The following CEP128 variants were observed in gnomAD, a reference collection of about 807,000 sequenced individuals.
CEP128 encodes centrosomal protein 128kDa.
In CEP128, 132 loss-of-function variants were observed where a neutral mutation model predicts 156.7. The observed-to-expected ratio is 0.84, with a 90% CI of 0.73 to 0.97. The LOEUF (loss-of-function observed/expected upper bound fraction) is 0.97, where lower values mean the gene tolerates loss of function less well. Among genes scored for constraint, CEP128 ranks in the 50% least tolerant of loss-of-function variants. The pLI, the probability that CEP128 is intolerant of heterozygous loss-of-function variation, is 0.00. For synonymous variants in CEP128, 469 were observed against 448.9 expected (o/e 1.04, Z -0.57); for missense variants, 1,252 against 1,281.9 (o/e 0.98, Z 0.36).
chr14:80,817,865 GAAGAAAAAAAAAAA>G (rs1254791281), intron 13 of CEP128, among the ~76,000 whole-genome samples: 2 of 142,456 alleles, frequency 1.4e-5, no homozygotes, highest in African/African-American at 5.2e-5. Flanking sequence ...TGGTGACAGA[GAAGAAAAAAAAAAA>G]AAGAAAGAAA....
At position 80,484,849 on chromosome 14, in the gene CEP128, T is replaced by C. The variant is rs145056476; in HGVS notation, c.*311-6442A>G. The stretch of plus-strand genomic sequence containing the variant: ...GCCTGAACATCTACTGGCATGAATA[T>C]TGCACGGGAAAATTTTTCTATATCT... On this transcript the variant is annotated intron_variant and NMD_transcript_variant, in intron 14 of 14. Transcript: ENST00000554502. Among the ~76,000 whole-genome samples, 45 of 151,858 alleles carry C rather than the reference T, an allele frequency of 3.0e-4. No homozygotes were observed. In the East Asian group the frequency reaches 8.5e-3, roughly 29 times the overall value.
At chr14:80,850,419 G>A (rs544026185) in intron 9 of CEP128, among the ~76,000 whole-genome samples, 4 of 151,994 alleles carry the variant, frequency 2.6e-5, no homozygotes, top group Admixed American at 6.6e-5. Flanking sequence ...GACGACTAGT[G>A]GTCAAAACTT....
At chr14:80,867,754 C>G (rs1887835935) in intron 8 of CEP128, among the ~76,000 whole-genome samples, 1 of 151,830 alleles carries the variant, frequency 6.6e-6, no homozygotes, top group Non-Finnish European at 1.5e-5. Context: ...TAATGGAAGT[C>G]CCAGAAGGAG....
chr14:80,670,018 G>A (rs1895775830), intron 19 of CEP128, among the ~76,000 whole-genome samples: 1 of 152,096 alleles, frequency 6.6e-6, no homozygotes, highest in Non-Finnish European at 1.5e-5. Context: ...GCCAAAAGCA[G>A]GAGCAAGAGA....
intron 9 of CEP128, among the ~76,000 whole-genome samples, chr14:80,841,699 ATT>A (rs1361350227): frequency 6.6e-6 from 1 of 152,018 alleles, no homozygotes; most frequent in Non-Finnish European, 1.5e-5. Flanking sequence ...GAGTTGGATC[ATT>A]TGCCTAACGT....
chr14:80,570,310 G>T (rs960847571), intron 20 of CEP128, among the ~76,000 whole-genome samples: 1 of 151,908 alleles, frequency 6.6e-6, no homozygotes, highest in African/African-American at 2.4e-5. Context: ...TAGAGATGAG[G>T]TTTTACCATG....
intron 2 of CEP128, among the ~76,000 whole-genome samples, chr14:80,954,264 C>G (rs1364671229): frequency 6.7e-6 from 1 of 150,230 alleles, no homozygotes; most frequent in Non-Finnish European, 1.5e-5. Context: ...AGCAAGACTC[C>G]GTTTCAAAAG....
At chr14:80,783,612 C>A (rs12880014) in intron 15 of CEP128, among the ~76,000 whole-genome samples, 51,020 of 152,062 alleles carry the variant, frequency 0.34, 9,759 homozygotes, top group Non-Finnish European at 0.43. Flanking sequence ...AAGATCAGCT[C>A]TTCTCCATAT....
chr14:80,576,366 A>G (rs1393554741), intron 20 of CEP128, among the ~76,000 whole-genome samples: 2 of 152,210 alleles, frequency 1.3e-5, no homozygotes, highest in African/African-American at 4.8e-5. Context: ...GTCAAAGACA[A>G]TACTTTAAGA....
chr14:80,728,406 T>C (rs920562768), intron 19 of CEP128, among the ~76,000 whole-genome samples: 2 of 152,158 alleles, frequency 1.3e-5, no homozygotes, highest in South Asian at 2.1e-4. Flanking sequence ...AACTACATAT[T>C]GGATACTATG....
At chr14:80,662,045 T>C (rs1895422614) in intron 19 of CEP128, among the ~76,000 whole-genome samples, 1 of 152,136 alleles carries the variant, frequency 6.6e-6, no homozygotes, top group Admixed American at 6.6e-5. Context: ...CTAGGAAGAC[T>C]ACATGATTTT....
At chr14:80,537,213 G>A (rs1889525145) in intron 21 of CEP128, among the ~76,000 whole-genome samples, 1 of 152,072 alleles carries the variant, frequency 6.6e-6, no homozygotes, top group African/African-American at 2.4e-5. Context: ...TACAGAATCT[G>A]CCATTTCAAA....
chr14:80,560,276 G>C (rs1317543564), intron 20 of CEP128, among the ~76,000 whole-genome samples: 4 of 151,966 alleles, frequency 2.6e-5, no homozygotes, highest in Admixed American at 6.6e-5. Flanking sequence ...AAATTAAAAA[G>C]TAGCCAGGTG....
At chr14:80,777,730 A>T in intron 16 of CEP128, 152 bp downstream of exon 16, 2 of 581,894 alleles carry the variant, frequency 3.4e-6, no homozygotes, top group Non-Finnish European at 5.9e-6. Context: ...AATAAAAATC[A>T]CAGCATTCTA....
At chr14:80,832,255 G>A (rs1300227990) in intron 12 of CEP128, among the ~76,000 whole-genome samples, 1 of 152,194 alleles carries the variant, frequency 6.6e-6, no homozygotes, top group Non-Finnish European at 1.5e-5. Flanking sequence ...TATTAGCAGT[G>A]TGAGAACAGA....
At chr14:80,592,193 T>A (rs966240223) in intron 19 of CEP128, among the ~76,000 whole-genome samples, 4 of 152,086 alleles carry the variant, frequency 2.6e-5, no homozygotes, top group Non-Finnish European at 5.9e-5. Flanking sequence ...TGAAAAACCC[T>A]TCAAAAAAAT....
intron 19 of CEP128, among the ~76,000 whole-genome samples, chr14:80,639,244 C>T (rs1457066223): frequency 2.0e-5 from 3 of 151,972 alleles, no homozygotes; most frequent in African/African-American, 7.3e-5. Flanking sequence ...TCAGATAATC[C>T]TCATTCTAGC....
upstream of CEP128, chr14:80,941,830 T>A (rs1438219701): frequency 6.6e-6 from 1 of 152,574 alleles, no homozygotes; most frequent in South Asian, 2.1e-4. Context: ...GATCAAGGAA[T>A]TACCAAGGGA....
At chr14:80,780,112 G>C (rs1015736392) in intron 15 of CEP128, among the ~76,000 whole-genome samples, 1 of 152,134 alleles carries the variant, frequency 6.6e-6, no homozygotes, top group Non-Finnish European at 1.5e-5. Flanking sequence ...ATAGGTATGA[G>C]AGGGGTGATT....
Sources: gnomAD v4.1 joint callset for allele counts (sites outside exome capture counted in the v4.1 genomes callset) on GRCh38, gnomAD v4.1.1 for gene constraint, MANE v1.5 for transcripts, NCBI Gene and HGNC (gene_info 2026-07-23, HGNC 2026-07-21) for gene names.